MTSS1: variants seen among roughly 807,000 people sequenced by gnomAD.
MTSS1 encodes the protein protein MTSS 1.
MTSS1 carries 18 observed loss-of-function variants against 79.0 expected under a neutral mutation model. That is an observed-to-expected ratio of 0.23 (90% CI 0.16 to 0.34). The LOEUF is 0.34. Ranked by LOEUF, MTSS1 falls within the 10% of genes least tolerant of loss-of-function variation. The probability of loss-of-function intolerance (pLI) is 1.00; values close to 1 mark genes in which losing one functional copy is unlikely to be tolerated. For synonymous variants in MTSS1, 341 were observed against 368.6 expected, an observed-to-expected ratio of 0.93 and a Z score of 0.86; for missense variants, 815 against 986.2, an observed-to-expected ratio of 0.83 and a Z score of 2.33.
intron 1 of MTSS1, among the ~76,000 whole-genome samples, chr8:124,721,242 G>A (rs926636481): frequency 3.3e-5 from 5 of 151,524 alleles, no homozygotes; most frequent in African/African-American, 4.9e-5. Flanking sequence ...CACACCTCAC[G>A]TACTCAATAG....
chr8:124,714,973 A>G (rs1831715810), intron 1 of MTSS1, among the ~76,000 whole-genome samples: 1 of 152,182 alleles, frequency 6.6e-6, no homozygotes, highest in South Asian at 2.1e-4. Context: ...GGCCAAAGCT[A>G]TTGCTCCATG....
intron 3 of MTSS1, among the ~76,000 whole-genome samples, chr8:124,645,212 CA>C (rs1481183923): frequency 3.3e-5 from 5 of 152,002 alleles, no homozygotes; most frequent in Non-Finnish European, 7.4e-5. Context: ...CTACAAAAAA[CA>C]AAAACAAAAA....
intron 3 of MTSS1, among the ~76,000 whole-genome samples, chr8:124,625,277 G>C (rs889624402): frequency 6.6e-6 from 1 of 152,144 alleles, no homozygotes; most frequent in African/African-American, 2.4e-5. Flanking sequence ...TACCTGCTTT[G>C]TAAGATTCTT....
In MTSS1 at chr8:124,707,234, G is replaced by A. The variant is rs115570962; in HGVS notation, c.73-3043C>T. ...GGGAGCCCTGGAGAAATATTATTAA[G>A]ACGATCAAAGTATTTCTTAAGAAAA... On this transcript the variant is annotated intron_variant, in intron 1 of 13. Transcript: ENST00000518547. 6.8e-3 allele frequency among the ~76,000 whole-genome samples: 1,030 copies of A among 152,070 alleles called. 9 individuals are homozygous for A. Among genetic ancestry groups the A allele is most frequent in the Middle Eastern group, 0.024 (7 of 294 alleles).
At chr8:124,697,595 A>C (rs541358704) in intron 3 of MTSS1, among the ~76,000 whole-genome samples, 15 of 151,838 alleles carry the variant, frequency 9.9e-5, no homozygotes, top group East Asian at 3.9e-4. Context: ...CAAAAAAAAA[A>C]CCCTATACTG....
chr8:124,556,725 A>T (rs1467534645), intron 11 of MTSS1, among the ~76,000 whole-genome samples: 2 of 152,382 alleles, frequency 1.3e-5, no homozygotes, highest in East Asian at 1.9e-4. Context: ...ACCAGTGGGC[A>T]GTACATCGTG....
At chr8:124,724,433 G>A (rs1833388615) in intron 1 of MTSS1, among the ~76,000 whole-genome samples, 2 of 152,118 alleles carry the variant, frequency 1.3e-5, no homozygotes, top group South Asian at 4.2e-4. Context: ...ATGGGGTGGA[G>A]GAACCAGGTG....
chr8:124,638,271 T>C (rs1403024575), intron 3 of MTSS1, among the ~76,000 whole-genome samples: 4 of 152,200 alleles, frequency 2.6e-5, no homozygotes, highest in Non-Finnish European at 5.9e-5. Context: ...ACAAAAGGCT[T>C]AAAGTCAGGA....
chr8:124,578,656 G>A (rs1336047122), intron 6 of MTSS1, among the ~76,000 whole-genome samples: 1 of 152,016 alleles, frequency 6.6e-6, no homozygotes, highest in Non-Finnish European at 1.5e-5. Flanking sequence ...TTTGCCGGGT[G>A]TGGTGGCAGG....
chr8:124,699,473 G>C (rs977613788), intron 3 of MTSS1, 53 bp downstream of exon 3: 1 of 1,510,606 alleles, frequency 6.6e-7, no homozygotes, highest in East Asian at 2.3e-5. Context: ...CCAAGGGGAA[G>C]AGTCCACGTG....
intron 3 of MTSS1, among the ~76,000 whole-genome samples, chr8:124,698,348 A>T (rs1487883876): frequency 6.6e-6 from 1 of 152,166 alleles, no homozygotes; most frequent in Non-Finnish European, 1.5e-5. Context: ...CAATGAAAAG[A>T]ACAGGCCTAT....
intron 3 of MTSS1, among the ~76,000 whole-genome samples, chr8:124,662,180 GACA>G (rs1238655833): frequency 6.6e-6 from 1 of 152,030 alleles, no homozygotes; most frequent in East Asian, 1.9e-4. Flanking sequence ...TGGGAAAGAG[GACA>G]ACGTCAACGC....
At chr8:124,616,135 A>G (rs141994885) in intron 3 of MTSS1, among the ~76,000 whole-genome samples, 1 of 152,166 alleles carries the variant, frequency 6.6e-6, no homozygotes, top group East Asian at 1.9e-4. Flanking sequence ...AACCAAACCA[A>G]CACATTCAAC....
intron 3 of MTSS1, among the ~76,000 whole-genome samples, chr8:124,634,562 T>C (rs901706358): frequency 6.6e-6 from 1 of 152,226 alleles, no homozygotes; most frequent in Admixed American, 6.5e-5. Flanking sequence ...ATGATTTGAT[T>C]TTGGTCTGTC....
intron 6 of MTSS1, among the ~76,000 whole-genome samples, chr8:124,583,792 T>C (rs10103765): frequency 0.64 from 97,660 of 152,066 alleles, 31,698 homozygotes; most frequent in Non-Finnish European, 0.69. Context: ...GCCTGCTCTC[T>C]TCCGGGCCTC....
At chr8:124,623,941 G>A (rs1814128419) in intron 3 of MTSS1, among the ~76,000 whole-genome samples, 3 of 152,258 alleles carry the variant, frequency 2.0e-5, no homozygotes, top group Admixed American at 2.0e-4. Context: ...ACCTTGCGGG[G>A]CCCGCGCTAA....
chr8:124,617,186 G>T (rs1407377126), intron 3 of MTSS1, among the ~76,000 whole-genome samples: 1 of 152,144 alleles, frequency 6.6e-6, no homozygotes, highest in Non-Finnish European at 1.5e-5. Context: ...GAATACCAGC[G>T]GCAAGAAAAA....
intron 1 of MTSS1, among the ~76,000 whole-genome samples, chr8:124,716,110 G>C (rs12547677): frequency 1.3e-5 from 2 of 152,068 alleles, no homozygotes; most frequent in Non-Finnish European, 2.9e-5. Context: ...AGACCAAAGC[G>C]TTGAGGAACG....
intron 1 of MTSS1, among the ~76,000 whole-genome samples, chr8:124,716,397 T>C (rs1383735504): frequency 6.6e-6 from 1 of 152,214 alleles, no homozygotes; most frequent in Non-Finnish European, 1.5e-5. Flanking sequence ...ATTCCAAGTA[T>C]ATCTGTGGTG....
Sources: allele counts gnomAD v4.1 joint callset (sites outside exome capture counted in the v4.1 genomes callset), GRCh38; gene constraint gnomAD v4.1.1; transcripts MANE v1.5; gene names NCBI Gene and HGNC (gene_info 2026-07-23, HGNC 2026-07-21).